Variants in UBE2D2 observed in about 807,000 individuals in gnomAD.
UBE2D2 encodes the protein ubiquitin conjugating enzyme E2 D2.
A neutral mutation model predicts 24.2 loss-of-function variants in UBE2D2; 2 were observed. The ratio of observed to expected loss-of-function variants is 0.08; its 90% confidence interval spans 0.03 to 0.26. UBE2D2 has a LOEUF of 0.26. UBE2D2 is among the 10% of genes least tolerant of loss of function. UBE2D2 has a pLI of 1.00. For missense variants in UBE2D2, 44 were observed against 177.6 expected (o/e 0.25, Z 4.28); for synonymous variants, 58 against 56.5 (o/e 1.03, Z -0.12).
intron 1 of UBE2D2, among the ~76,000 whole-genome samples, chr5:139,594,461 T>G (rs1431160985): frequency 2.6e-5 from 4 of 152,282 alleles, no homozygotes; most frequent in Middle Eastern, 3.4e-3. Flanking sequence ...TTGCCCAGGC[T>G]GGAGTGCAGT....
chr5:139,543,608 A>G (rs1752786059), intron 1 of UBE2D2, among the ~76,000 whole-genome samples: 1 of 152,252 alleles, frequency 6.6e-6, no homozygotes, highest in Non-Finnish European at 1.5e-5. Flanking sequence ...GCCTGGCTGC[A>G]GAGGCAGCTT....
At chr5:139,582,693 CAG>C (rs1393598888) in intron 1 of UBE2D2, among the ~76,000 whole-genome samples, 3 of 111,154 alleles carry the variant, frequency 2.7e-5, no homozygotes, top group South Asian at 3.0e-4. Flanking sequence ...TTTTTTGAGA[CAG>C]AGTCTTGCTC....
At chr5:139,587,845 C>A (rs976572872) in intron 1 of UBE2D2, among the ~76,000 whole-genome samples, 9 of 152,232 alleles carry the variant, frequency 5.9e-5, no homozygotes, top group African/African-American at 2.2e-4. Context: ...CTGCTGTGCT[C>A]TCAGGCAGTA....
At chr5:139,583,824 G>T (rs1753659074) in intron 1 of UBE2D2, among the ~76,000 whole-genome samples, 1 of 152,136 alleles carries the variant, frequency 6.6e-6, no homozygotes, top group Non-Finnish European at 1.5e-5. Flanking sequence ...AAAGGTTCTT[G>T]AATGAATAGA....
intron 1 of UBE2D2, among the ~76,000 whole-genome samples, chr5:139,533,130 A>G (rs2126627517): frequency 6.6e-6 from 1 of 151,550 alleles, no homozygotes; most frequent in East Asian, 2.0e-4. Flanking sequence ...AAATATATGG[A>G]CCTCAACTCC....
intron 1 of UBE2D2, among the ~76,000 whole-genome samples, chr5:139,580,147 G>A (rs1753564616): frequency 6.6e-6 from 1 of 152,040 alleles, no homozygotes; most frequent in African/African-American, 2.4e-5. Flanking sequence ...AGCATTGAGT[G>A]CAATGGAGCA....
At chr5:139,577,037 T>C (rs1187821140) in intron 1 of UBE2D2, among the ~76,000 whole-genome samples, 3 of 149,126 alleles carry the variant, frequency 2.0e-5, no homozygotes, top group African/African-American at 7.4e-5. Context: ...TCTTGTAGCA[T>C]AGTAAAATTT....
intron 2 of UBE2D2, among the ~76,000 whole-genome samples, chr5:139,605,547 A>T (rs986634208): frequency 7.1e-6 from 1 of 141,762 alleles, no homozygotes; most frequent in Non-Finnish European, 1.5e-5. Flanking sequence ...AGCCAAGATC[A>T]CGCCACTGCA....
chr5:139,540,259 G>A (rs934805759), intron 1 of UBE2D2, among the ~76,000 whole-genome samples: 1 of 152,120 alleles, frequency 6.6e-6, no homozygotes, highest in African/African-American at 2.4e-5. Flanking sequence ...GGGGAAAATG[G>A]ATGAAGGGAA....
chr5:139,594,699 C>T (rs1753923319), intron 1 of UBE2D2, among the ~76,000 whole-genome samples: 1 of 152,170 alleles, frequency 6.6e-6, no homozygotes, highest in Non-Finnish European at 1.5e-5. Context: ...CAGGTGTGAG[C>T]CACCGCACCC....
rs375905990 is a variant in UBE2D2, at chr5:139,598,206, C to CT, written c.25-2163dup. Among the ~76,000 whole-genome samples, 942 of 152,200 alleles carry CT rather than the reference C, an allele frequency of 6.2e-3. 17 individuals are homozygous for CT. Among genetic ancestry groups the CT allele is most frequent in the African/African-American group, 0.021 (870 of 41,536 alleles). ...TCACTGTGCCTGGCCCTTTTTCAAA[C>CT]TTTATTTCTGTACTTTATGCTTTGT... On this transcript the variant is annotated intron_variant, in intron 1 of 6. Transcript: ENST00000398733.
chr5:139,600,619 G>C (rs1161731878), intron 2 of UBE2D2, among the ~76,000 whole-genome samples, 184 bp downstream of exon 2: 1 of 152,114 alleles, frequency 6.6e-6, no homozygotes, highest in East Asian at 1.9e-4. Context: ...CCAGGTATTG[G>C]CTATGTAGTT....
At chr5:139,600,044 C>A in intron 1 of UBE2D2, among the ~76,000 whole-genome samples, 1 of 152,096 alleles carries the variant, frequency 6.6e-6, no homozygotes, top group Non-Finnish European at 1.5e-5. Flanking sequence ...GTGATCTGCC[C>A]GCCTCAGCCT....
intron 1 of UBE2D2, among the ~76,000 whole-genome samples, chr5:139,527,759 A>C (rs1752557875): frequency 6.6e-6 from 1 of 152,272 alleles, no homozygotes; most frequent in African/African-American, 2.4e-5. Flanking sequence ...ATTTTATTAA[A>C]AAAATTTTAA....
At position 139,561,448 on chromosome 5, in the gene UBE2D2, A is replaced by C; in HGVS notation, c.-344A>C. 3.6e-6 allele frequency: 1 copy of C among 278,724 alleles called. No individual in the cohort carries two copies. Among genetic ancestry groups the C allele is most frequent in the East Asian group, 6.1e-5 (1 of 16,390 alleles). 17.3% of individuals were successfully genotyped at this position (278,724 alleles called of 1,614,324 possible). A position where few individuals can be genotyped will look rare whatever the true frequency, so the allele number is the denominator to read the frequency against. On this transcript the variant is annotated 5_prime_UTR_variant, in exon 1 of 7. Transcript: ENST00000398733. ...CTGTCCGACCAAGAGAGGCCGGCCG[A>C]GCCCGAGGCTTGGGCTTTTGCTTTC...
intron 1 of UBE2D2, among the ~76,000 whole-genome samples, chr5:139,579,616 T>TA (rs1753552139): frequency 6.6e-6 from 1 of 152,148 alleles, no homozygotes; most frequent in Non-Finnish European, 1.5e-5. Flanking sequence ...TAAAAAGTCT[T>TA]ACAATCAGTG....
At chr5:139,605,805 T>A (rs1226584649) in intron 2 of UBE2D2, among the ~76,000 whole-genome samples, 2 of 147,102 alleles carry the variant, frequency 1.4e-5, no homozygotes, top group Non-Finnish European at 3.0e-5. Context: ...GTGGCGCGAT[T>A]GCAGCTCACT....
chr5:139,527,297 C>G (rs1330087618), intron 1 of UBE2D2, among the ~76,000 whole-genome samples: 1 of 152,100 alleles, frequency 6.6e-6, no homozygotes, highest in Non-Finnish European at 1.5e-5. Context: ...TCCCCCTCTC[C>G]CCACAGTAGT....
intron 1 of UBE2D2, among the ~76,000 whole-genome samples, chr5:139,540,206 A>T (rs973443504): frequency 4.6e-5 from 7 of 152,194 alleles, no homozygotes; most frequent in Non-Finnish European, 1.0e-4. Context: ...GCCATGAGCC[A>T]CCACGCCGGG....
Sources: allele counts gnomAD v4.1 joint callset (sites outside exome capture counted in the v4.1 genomes callset), GRCh38; gene constraint gnomAD v4.1.1; transcripts MANE v1.5; gene names NCBI Gene and HGNC (gene_info 2026-07-23, HGNC 2026-07-21).